MAGI2: variants seen among roughly 807,000 people sequenced by gnomAD.
The protein encoded by MAGI2 is membrane associated guanylate kinase, WW and PDZ domain containing 2, also known as membrane-associated guanylate kinase, WW and PDZ domain-containing protein 2.
Under a neutral mutation model 133.3 loss-of-function variants are expected in MAGI2, and 35 were observed. That is an observed-to-expected ratio of 0.26 (90% CI 0.20 to 0.35). MAGI2 has a LOEUF of 0.35. Ranked by LOEUF, MAGI2 falls within the 10% of genes least tolerant of loss-of-function variation. The probability of loss-of-function intolerance (pLI) is 1.00; values close to 1 mark genes in which losing one functional copy is unlikely to be tolerated. For synonymous variants in MAGI2, 729 were observed against 710.6 expected (o/e 1.03, Z -0.41); for missense variants, 1,636 against 1,863.4 (o/e 0.88, Z 2.25).
At chr7:78,075,589 G>C (rs1461433041) in intron 21 of MAGI2, among the ~76,000 whole-genome samples, 1 of 152,010 alleles carries the variant, frequency 6.6e-6, no homozygotes, top group Non-Finnish European at 1.5e-5. Context: ...TGTTAGCCAG[G>C]ATGGTCTCGA....
chr7:79,213,417 C>T (rs1829688774), intron 1 of MAGI2, among the ~76,000 whole-genome samples: 1 of 151,928 alleles, frequency 6.6e-6, no homozygotes, highest in African/African-American at 2.4e-5. Flanking sequence ...CCCCTGGGCT[C>T]AAGCAATTCT....
Position 78,019,728 on chromosome 7 carries a change from TCGC to T in MAGI2, c.3952_3954del (p.Ala1318del). ...CTCGGCCGCGCGGCCCTCTGCGGAC[TCGC>T]CGAGCGCTCCCTCTGCTCCCCGAGG... is the stretch of plus-strand genomic sequence containing the variant. On this transcript the variant is annotated inframe_deletion, in exon 22 of 22. Transcript: ENST00000354212. 6.2e-7 allele frequency: 1 copy of T among 1,606,516 alleles called. No homozygotes were observed. The highest frequency in any genetic ancestry group is 8.5e-7 in the Non-Finnish European group (1 of 1,178,412).
At chr7:79,229,316 A>T (rs1390778591) in intron 1 of MAGI2, among the ~76,000 whole-genome samples, 1 of 152,180 alleles carries the variant, frequency 6.6e-6, no homozygotes. Flanking sequence ...ATAAAACCCC[A>T]TACATGCTAC....
intron 2 of MAGI2, among the ~76,000 whole-genome samples, chr7:78,715,214 G>A (rs10485914): frequency 0.7 from 106,479 of 151,936 alleles, 37,998 homozygotes; most frequent in Middle Eastern, 0.81. Context: ...TTCGGTTCCA[G>A]TAAGGATGAA....
chr7:78,399,829 G>A (rs867456298), intron 6 of MAGI2, among the ~76,000 whole-genome samples: 44 of 122,128 alleles, frequency 3.6e-4, no homozygotes, highest in Non-Finnish European at 6.2e-4. Context: ...AAAAAAAAAG[G>A]CATAACATTT....
At chr7:78,068,019 G>A (rs534345651) in intron 21 of MAGI2, among the ~76,000 whole-genome samples, 1 of 152,290 alleles carries the variant, frequency 6.6e-6, no homozygotes, top group East Asian at 1.9e-4. Flanking sequence ...TTAGACATTT[G>A]TCTACACCCA....
At chr7:78,688,788 T>C (rs1816651030) in intron 2 of MAGI2, among the ~76,000 whole-genome samples, 1 of 152,222 alleles carries the variant, frequency 6.6e-6, no homozygotes, top group Non-Finnish European at 1.5e-5. Flanking sequence ...ACAAAGATCT[T>C]CTGCTTCTCA....
chr7:79,062,790 C>T (rs1030801037), intron 1 of MAGI2, among the ~76,000 whole-genome samples: 3 of 152,048 alleles, frequency 2.0e-5, no homozygotes, highest in Non-Finnish European at 4.4e-5. Context: ...CGTGTTCTGA[C>T]AAGGGTTGGG....
intron 1 of MAGI2, among the ~76,000 whole-genome samples, chr7:79,260,363 A>AATACATACATAC (rs61427819): frequency 6.7e-6 from 1 of 149,124 alleles, no homozygotes; most frequent in Admixed American, 6.7e-5. Flanking sequence ...TCTCTAAGTA[A>AATACATACATAC]ATACATACAT....
chr7:79,399,095 C>CTTTTTTTTT lies in MAGI2; in HGVS notation c.301+53916_301+53924dup, dbSNP rs767332496. ...GTATTATTTCTTTTTTTTTTCTTTT[C>CTTTTTTTTT]TTTTTTTTTTTTTTTGGGAGATGGA... On this transcript the variant is annotated intron_variant, in intron 1 of 21. Transcript: ENST00000354212. 4.8e-3 allele frequency among the ~76,000 whole-genome samples: 510 copies of CTTTTTTTTT among 106,194 alleles called. 29 individuals are homozygous for CTTTTTTTTT. Among genetic ancestry groups the CTTTTTTTTT allele is most frequent in the African/African-American group, 0.019 (477 of 24,924 alleles). The allele number at this position is 106,194 out of a possible 152,430, so 69.7% of individuals were successfully genotyped here. A position where few individuals can be genotyped will look rare whatever the true frequency, so the allele number is the denominator to read the frequency against.
At chr7:78,815,164 T>G (rs941322518) in intron 2 of MAGI2, among the ~76,000 whole-genome samples, 6 of 152,192 alleles carry the variant, frequency 3.9e-5, no homozygotes, top group African/African-American at 1.4e-4. Flanking sequence ...AGTAGAGATT[T>G]AGATGGTCAA....
At chr7:78,438,441 T>C (rs2151450082) in intron 6 of MAGI2, among the ~76,000 whole-genome samples, 1 of 152,284 alleles carries the variant, frequency 6.6e-6, no homozygotes, top group East Asian at 1.9e-4. Flanking sequence ...ACGAGTTCCC[T>C]GGCTAAGTCA....
intron 1 of MAGI2, among the ~76,000 whole-genome samples, chr7:79,099,060 C>A (rs1282802508): frequency 1.3e-5 from 2 of 152,040 alleles, no homozygotes; most frequent in African/African-American, 2.4e-5. Context: ...TGAAAGGAGA[C>A]TTTAGGGAAT....
chr7:78,593,208 C>A (rs1249322208), intron 3 of MAGI2, among the ~76,000 whole-genome samples: 1 of 151,226 alleles, frequency 6.6e-6, no homozygotes, highest in Non-Finnish European at 1.5e-5. Context: ...CTGGCTAACA[C>A]GGTGAAACCC....
chr7:78,286,557 T>A lies in MAGI2; in HGVS notation c.1409-29976A>T, dbSNP rs1248989605. Among the ~76,000 whole-genome samples the A allele has an allele frequency of 2.0e-5, 3 of 152,086 alleles. No individual in the cohort carries two copies. The East Asian group carries it at 5.8e-4, about 29-fold the overall frequency. ...AGCAAGAGGCATTCCTTCTATCTTG[T>A]GTAAAGGCAAGGCATGGTCTAGGTT... On this transcript the variant is annotated intron_variant, in intron 9 of 21. Coordinates refer to ENST00000354212, the MANE Select transcript of MAGI2 (RefSeq NM_012301.4).
chr7:78,757,427 C>T (rs186438464), intron 2 of MAGI2, among the ~76,000 whole-genome samples: 360 of 152,166 alleles, frequency 2.4e-3, no homozygotes, highest in Non-Finnish European at 4.0e-3. Context: ...CCTCTTGGCC[C>T]TCTTTCCTCT....
At chr7:78,405,639 C>T (rs545875176) in intron 6 of MAGI2, among the ~76,000 whole-genome samples, 28 of 152,064 alleles carry the variant, frequency 1.8e-4, no homozygotes, top group African/African-American at 6.5e-4. Context: ...AAACATAAAA[C>T]CTTTTTAGCT....
intron 2 of MAGI2, among the ~76,000 whole-genome samples, chr7:78,830,261 A>G (rs554770438): frequency 5.3e-5 from 8 of 152,292 alleles, no homozygotes; most frequent in Admixed American, 2.6e-4. Flanking sequence ...TGTTGAAAGA[A>G]AACTATTTAT....
chr7:78,433,401 A>G (rs1292445183), intron 6 of MAGI2, among the ~76,000 whole-genome samples: 3 of 152,000 alleles, frequency 2.0e-5, no homozygotes, highest in East Asian at 1.9e-4. Context: ...GTCATTGTTC[A>G]TCTTATCTAT....
Sources: allele counts gnomAD v4.1 joint callset (sites outside exome capture counted in the v4.1 genomes callset), GRCh38; gene constraint gnomAD v4.1.1; transcripts MANE v1.5; gene names NCBI Gene and HGNC (gene_info 2026-07-23, HGNC 2026-07-21).